The following FABP7 variants were observed in gnomAD, a reference collection of about 807,000 sequenced individuals.
FABP7 encodes the protein fatty acid binding protein 7, also known as fatty acid-binding protein, brain.
A neutral mutation model predicts 14.2 loss-of-function variants in FABP7; 13 were observed. The ratio of observed to expected loss-of-function variants is 0.91; its 90% CI spans 0.59 to 1.45. FABP7 has a LOEUF of 1.45. Ranked by LOEUF, FABP7 falls within the 40% of genes most tolerant of loss-of-function variation. The pLI is 0.00. For missense variants in FABP7, 149 were observed against 157.6 expected (o/e 0.95, Z 0.29); for synonymous variants, 49 against 51.4 (o/e 0.95, Z 0.20).
chr6:122,758,301 T>A, the FABP7 span, among the ~76,000 whole-genome samples: 1 of 152,026 alleles, frequency 6.6e-6, no homozygotes, highest in Non-Finnish European at 1.5e-5. Flanking sequence ...AGAGACAAAG[T>A]TTTGCCATGT....
Position 122,780,341 on chromosome 6 carries a change from A to G in FABP7, c.124A>G (p.Ile42Val). 6.2e-7 allele frequency: 1 copy of G among 1,614,142 alleles called. No homozygotes were observed. Among genetic ancestry groups the G allele is most frequent in the Admixed American group, 1.7e-5 (1 of 60,014 alleles). Residue 42 changes from isoleucine to valine, a missense_variant, in exon 2 of 4, where the codon ATT becomes GTT. By Grantham distance (29) the Ile-to-Val change is conservative. Coordinates refer to ENST00000368444, the MANE Select transcript of FABP7 (RefSeq NM_001446.5). Reference protein sequence around the residue: ...QVGNVTKPTVIISQEGDKVVI... With the variant: ...QVGNVTKPTVVISQEGDKVVI... Reference sequence around the variant, plus strand: ...GGGAAATGTGACCAAACCAACGGTAATTATCAGTCAAGAAGGAGACAAAGT... The same window carrying G: ...GGGAAATGTGACCAAACCAACGGTAGTTATCAGTCAAGAAGGAGACAAAGT...
the FABP7 span, among the ~76,000 whole-genome samples, chr6:122,766,959 T>C: frequency 6.6e-6 from 1 of 152,108 alleles, no homozygotes; most frequent in Non-Finnish European, 1.5e-5. Flanking sequence ...GTTGTATTTC[T>C]ATATAACAGT....
chr6:122,767,785 GA>G, the FABP7 span, among the ~76,000 whole-genome samples: 730 of 148,626 alleles, frequency 4.9e-3, 8 homozygotes, highest in African/African-American at 0.017. Context: ...GAGAGAGAGA[GA>G]AAAAAAGGGC....
chr6:122,777,897 A>C (rs987699588), upstream of FABP7, among the ~76,000 whole-genome samples: 58 of 138,444 alleles, frequency 4.2e-4, no homozygotes, highest in African/African-American at 1.3e-3. Context: ...GTGCACTCCA[A>C]GTTTTAGACA....
chr6:122,780,528 T>A, intron 2 of FABP7, 65 bp downstream of exon 2: 1 of 1,490,400 alleles, frequency 6.7e-7, no homozygotes, highest in Non-Finnish European at 9.2e-7. Flanking sequence ...AGATTTCCAA[T>A]GCATGTTTTT....
chr6:122,776,201 A>G (rs1037025620), upstream of FABP7, among the ~76,000 whole-genome samples: 1 of 152,154 alleles, frequency 6.6e-6, no homozygotes, highest in African/African-American at 2.4e-5. Flanking sequence ...GAAAATCAGT[A>G]TATCAAAGAG....
the FABP7 span, among the ~76,000 whole-genome samples, chr6:122,774,609 A>G: frequency 6.6e-6 from 1 of 152,070 alleles, no homozygotes; most frequent in African/African-American, 2.4e-5. Flanking sequence ...GGAGTTATAG[A>G]ACAGTCGAGT....
chr6:122,779,882 G>A lies in FABP7; in HGVS notation c.73+15G>A, dbSNP rs750773309. ...GAAGGCTCTAGGTAGGTAACAATAA[G>A]ACCGGCTGTTCTCTTCTCAACGTGC... On this transcript the variant is annotated intron_variant, in intron 1 of 3. Transcript: ENST00000368444. 4 of 1,612,062 alleles carry A rather than the reference G, an allele frequency of 2.5e-6. No individual in the cohort carries two copies. The African/African-American group carries it at 5.3e-5, about 22-fold the overall frequency.
chr6:122,780,239 T>G, intron 1 of FABP7, 52 bp from the exon 2 acceptor site: 3 of 1,581,256 alleles, frequency 1.9e-6, no homozygotes, highest in Non-Finnish European at 2.6e-6. Context: ...TCTTGCTTTG[T>G]GAGTTATTTT....
At chr6:122,772,012 A>G in the FABP7 span, among the ~76,000 whole-genome samples, 5 of 152,236 alleles carry the variant, frequency 3.3e-5, no homozygotes, top group Non-Finnish European at 7.3e-5. Flanking sequence ...AAGGTAGGAG[A>G]AAGATACTAA....
chr6:122,773,176 T>G, the FABP7 span, among the ~76,000 whole-genome samples: 1 of 152,116 alleles, frequency 6.6e-6, no homozygotes, highest in Non-Finnish European at 1.5e-5. Flanking sequence ...TTTCTATATA[T>G]CTCCAGAATA....
the FABP7 span, among the ~76,000 whole-genome samples, chr6:122,750,487 A>G: frequency 6.6e-6 from 1 of 152,236 alleles, no homozygotes; most frequent in African/African-American, 2.4e-5. Flanking sequence ...CAACAGTACA[A>G]CCAGACATGT....
chr6:122,754,262 G>A, the FABP7 span, among the ~76,000 whole-genome samples: 1 of 152,072 alleles, frequency 6.6e-6, no homozygotes, highest in Non-Finnish European at 1.5e-5. Context: ...GTTCACTTAA[G>A]GATGGTCTTC....
chr6:122,756,742 T>G, the FABP7 span, among the ~76,000 whole-genome samples: 42 of 152,252 alleles, frequency 2.8e-4, no homozygotes, highest in African/African-American at 8.7e-4. Flanking sequence ...AAGTCATCAA[T>G]GACTACTACA....
At chr6:122,759,597 T>C in the FABP7 span, among the ~76,000 whole-genome samples, 8 of 152,204 alleles carry the variant, frequency 5.3e-5, no homozygotes, top group African/African-American at 1.9e-4. Flanking sequence ...ATTTAGTCCT[T>C]ACAACTACTG....
intron 1 of FABP7, 92 bp downstream of exon 1, chr6:122,779,959 C>A: frequency 1.6e-6 from 2 of 1,224,654 alleles, no homozygotes; most frequent in Non-Finnish European, 2.4e-6. Flanking sequence ...CAGCAAGAGG[C>A]AAAGACAGAT....
Position 122,780,449 on chromosome 6 carries a change from G to GATAGAA in FABP7, c.234_239dup (p.Arg79_Asn80dup), listed in dbSNP as rs1000071668. 6.2e-7 allele frequency: 1 copy of GATAGAA among 1,612,298 alleles called. No individual in the cohort carries two copies. Among genetic ancestry groups the GATAGAA allele is most frequent in the Non-Finnish European group, 8.5e-7 (1 of 1,179,622 alleles). On this transcript the variant is annotated inframe_insertion, in exon 2 of 4. Coordinates refer to ENST00000368444, the MANE Select transcript of FABP7 (RefSeq NM_001446.5). The stretch of plus-strand genomic sequence containing the variant: ...AGAGTTTGATGAAACCACTGCAGAT[G>GATAGAA]ATAGAAACTGTAAGGTGAGAAACTG...
At chr6:122,756,669 C>A in the FABP7 span, among the ~76,000 whole-genome samples, 3 of 152,152 alleles carry the variant, frequency 2.0e-5, no homozygotes, top group Non-Finnish European at 2.9e-5. Context: ...TAATACATCC[C>A]GTTTGTCTCT....
the FABP7 span, among the ~76,000 whole-genome samples, chr6:122,771,428 A>T: frequency 6.6e-6 from 1 of 152,192 alleles, no homozygotes; most frequent in Non-Finnish European, 1.5e-5. Context: ...TGTACACAGT[A>T]ATCAGCAGAG....
Sources: gnomAD v4.1 joint callset for allele counts (sites outside exome capture counted in the v4.1 genomes callset) on GRCh38, gnomAD v4.1.1 for gene constraint, MANE v1.5 for transcripts, NCBI Gene and HGNC (gene_info 2026-07-23, HGNC 2026-07-21) for gene names.